TXNDC12: variants seen among roughly 807,000 people sequenced by gnomAD.
The protein encoded by TXNDC12 is thioredoxin domain-containing protein 12.
Under a neutral mutation model 24.2 loss-of-function variants are expected in TXNDC12, and 22 were observed. The observed-to-expected ratio is 0.91, with a 90% CI of 0.65 to 1.30. TXNDC12 has a LOEUF of 1.30. Ranked by LOEUF, TXNDC12 falls within the 50% of genes most tolerant of loss-of-function variation. The pLI, the probability that TXNDC12 is intolerant of heterozygous loss-of-function variation, is 0.00. For synonymous variants in TXNDC12, 58 were observed against 73.4 expected (o/e 0.79, Z 1.07); for missense variants, 184 against 205.8 (o/e 0.89, Z 0.65).
At chr1:52,054,908 A>G in intron 1 of TXNDC12, 92 bp downstream of exon 1, 1 of 969,580 alleles carries the variant, frequency 1.0e-6, no homozygotes, top group Non-Finnish European at 1.6e-6. Flanking sequence ...TAAGAGTTAG[A>G]ATGGGAGGGG....
At position 52,023,497 on chromosome 1, in the gene TXNDC12, C is replaced by A; in HGVS notation, c.433G>T (p.Glu145Ter). Reference sequence around the variant, plus strand: ...CCCTTCAGCATAACTATACCTTGCTCGGCACTGACATAAAAATACTTGTAG... The same window carrying A: ...CCCTTCAGCATAACTATACCTTGCTAGGCACTGACATAAAAATACTTGTAG... ...PSYKYFYVSA[E>*]QVVQGMKEAQ... The change falls in exon 6 of 7, where the codon GAG becomes TAG. Residue 145 changes from glutamate to a stop codon, truncating the protein, a stop_gained. Coordinates refer to ENST00000371626, the MANE Select transcript of TXNDC12 (RefSeq NM_015913.4). LOFTEE classifies it high-confidence loss of function. 6.2e-7 allele frequency: 1 copy of A among 1,613,424 alleles called. No individual in the cohort carries two copies. Among genetic ancestry groups the A allele is most frequent in the South Asian group, 1.1e-5 (1 of 91,048 alleles).
chr1:52,046,526 G>C (rs934183453), intron 1 of TXNDC12, among the ~76,000 whole-genome samples: 1 of 152,154 alleles, frequency 6.6e-6, no homozygotes, highest in Admixed American at 6.6e-5. Context: ...AGCATGATTA[G>C]AGCATGACCA....
Position 52,020,291 on chromosome 1 carries a change from C to T in TXNDC12, c.*642G>A. 2.6e-6 allele frequency: 1 copy of T among 382,064 alleles called. No homozygotes were observed. Among genetic ancestry groups the T allele is most frequent in the East Asian group, 5.9e-5 (1 of 16,852 alleles). 23.7% of individuals were successfully genotyped at this position (382,064 alleles called of 1,614,324 possible). On this transcript the variant is annotated 3_prime_UTR_variant, in exon 7 of 7. Coordinates refer to ENST00000371626, the MANE Select transcript of TXNDC12 (RefSeq NM_015913.4). The stretch of plus-strand genomic sequence containing the variant: ...AGTAACAAGGGAAAGCATGCTTCCA[C>T]CTGGAGCCGAGTCCAAGCACACAGC...
intron 4 of TXNDC12, among the ~76,000 whole-genome samples, chr1:52,025,513 C>T (rs1027977223): frequency 6.6e-6 from 1 of 152,096 alleles, no homozygotes; most frequent in Admixed American, 6.5e-5. Context: ...CCACCACGCC[C>T]GGCCTAATCA....
At chr1:52,043,692 T>C (rs1572009163) in intron 1 of TXNDC12, among the ~76,000 whole-genome samples, 1 of 152,240 alleles carries the variant, frequency 6.6e-6, no homozygotes, top group South Asian at 2.1e-4. Flanking sequence ...CTTTTGTTAT[T>C]CTATACGATT....
intron 1 of TXNDC12, among the ~76,000 whole-genome samples, chr1:52,048,866 A>ATAAT (rs545329809): frequency 6.6e-6 from 1 of 151,950 alleles, no homozygotes. Context: ...CAAAAAAATA[A>ATAAT]TAATTAATTA....
intron 1 of TXNDC12, among the ~76,000 whole-genome samples, chr1:52,048,679 C>T (rs953329263): frequency 6.6e-6 from 1 of 151,866 alleles, no homozygotes; most frequent in Non-Finnish European, 1.5e-5. Flanking sequence ...CCAGCCTGGC[C>T]AACCCCATCT....
In TXNDC12 at chr1:52,033,811, G is replaced by C. The variant is rs1283169629; in HGVS notation, c.159-5181C>G. ...ACCGCGCTGCGCCAACTTCCGGGTT[G>C]TACGCGTCTCCGACGTAAGCCGGAA... On this transcript the variant is annotated intron_variant, in intron 2 of 6. Transcript: ENST00000371626. The C allele has an allele frequency of 2.7e-6, 4 of 1,504,068 alleles. No individual in the cohort carries two copies. In the Admixed American group the frequency reaches 6.7e-5, roughly 25 times the overall value. 93.2% of individuals were successfully genotyped at this position (1,504,068 alleles called of 1,614,324 possible). A position where few individuals can be genotyped will look rare whatever the true frequency, so the allele number is the denominator to read the frequency against.
rs757424940 is a variant in TXNDC12, at chr1:52,020,204, A to T, written c.*729T>A. 1 of 216,442 alleles carries T rather than the reference A, an allele frequency of 4.6e-6. No individual in the cohort carries two copies. The highest frequency in any genetic ancestry group is 2.3e-5 in the African/African-American group (1 of 43,720). The allele number at this position is 216,442 out of a possible 1,614,324, so 13.4% of individuals were successfully genotyped here. A position where few individuals can be genotyped will look rare whatever the true frequency, so the allele number is the denominator to read the frequency against. Reference sequence around the variant, plus strand: ...TTTTTTTGTTAATGCCAGTACAAAAATACAGTTGATGACTTGACAAAATGG... The same window carrying T: ...TTTTTTTGTTAATGCCAGTACAAAATTACAGTTGATGACTTGACAAAATGG... On this transcript the variant is annotated 3_prime_UTR_variant, in exon 7 of 7. Coordinates refer to ENST00000371626, the MANE Select transcript of TXNDC12 (RefSeq NM_015913.4).
chr1:52,051,217 A>G (rs1443489890), intron 1 of TXNDC12, among the ~76,000 whole-genome samples: 2 of 152,204 alleles, frequency 1.3e-5, no homozygotes, highest in African/African-American at 4.8e-5. Context: ...TTTTTAGTCC[A>G]TGGAGAACAA....
At chr1:52,039,918 A>T (rs546017974) in intron 2 of TXNDC12, among the ~76,000 whole-genome samples, 1 of 151,328 alleles carries the variant, frequency 6.6e-6, no homozygotes, top group Non-Finnish European at 1.5e-5. Flanking sequence ...TTATTTTTTT[A>T]TTTTTATTTT....
intron 2 of TXNDC12, among the ~76,000 whole-genome samples, chr1:52,037,650 A>G (rs1004578722): frequency 6.6e-6 from 1 of 152,214 alleles, no homozygotes; most frequent in Non-Finnish European, 1.5e-5. Context: ...CAAAGCATTG[A>G]TGGAACCAAT....
At chr1:52,052,608 G>A (rs1686237075) in intron 1 of TXNDC12, 1 of 161,818 alleles carries the variant, frequency 6.2e-6, no homozygotes, top group Non-Finnish European at 1.5e-5. Flanking sequence ...CATAGAACAG[G>A]GACAAGCCTT....
At chr1:52,053,030 G>A (rs1686246680) in intron 1 of TXNDC12, among the ~76,000 whole-genome samples, 1 of 151,730 alleles carries the variant, frequency 6.6e-6, no homozygotes, top group Admixed American at 6.6e-5. Flanking sequence ...GATTACCTGA[G>A]GTCAGGAGTT....
intron 1 of TXNDC12, among the ~76,000 whole-genome samples, chr1:52,049,171 G>T (rs192863219): frequency 6.6e-6 from 1 of 152,206 alleles, no homozygotes. Flanking sequence ...TAGAAAAGAA[G>T]TTATCCAACA....
intron 2 of TXNDC12, among the ~76,000 whole-genome samples, chr1:52,040,830 A>G (rs2124381947): frequency 6.6e-6 from 1 of 151,516 alleles, no homozygotes; most frequent in South Asian, 2.1e-4. Context: ...TGGGAGCTCA[A>G]GACCAGCCTG....
At chr1:52,034,616 AT>A (rs1177901598) in intron 2 of TXNDC12, among the ~76,000 whole-genome samples, 1 of 151,796 alleles carries the variant, frequency 6.6e-6, no homozygotes, top group African/African-American at 2.4e-5. Flanking sequence ...ATTATTATTT[AT>A]TTTTTCTTTT....
chr1:52,054,236 G>A (rs1477717978), intron 1 of TXNDC12, among the ~76,000 whole-genome samples: 2 of 152,022 alleles, frequency 1.3e-5, no homozygotes, highest in African/African-American at 4.8e-5. Flanking sequence ...AAAGGAAGAG[G>A]GGTTGGGATC....
intron 6 of TXNDC12, among the ~76,000 whole-genome samples, chr1:52,022,663 G>C (rs924645772): frequency 3.2e-5 from 4 of 124,712 alleles, no homozygotes; most frequent in African/African-American, 1.2e-4. Flanking sequence ...TTTTGAGACA[G>C]AGTCTCGCTC....
Sources: gnomAD v4.1 joint callset for allele counts (sites outside exome capture counted in the v4.1 genomes callset) on GRCh38, gnomAD v4.1.1 for gene constraint, MANE v1.5 for transcripts, NCBI Gene and HGNC (gene_info 2026-07-23, HGNC 2026-07-21) for gene names.